The following GPLD1 variants were observed in gnomAD, a reference collection of about 807,000 sequenced individuals.
The protein encoded by GPLD1 is glycosylphosphatidylinositol specific phospholipase D1.
A neutral mutation model predicts 112.6 loss-of-function variants in GPLD1; 84 were observed. The ratio of observed to expected loss-of-function variants is 0.75; its 90% CI spans 0.63 to 0.89. The LOEUF (loss-of-function observed/expected upper bound fraction) is 0.89. Among genes scored for constraint, GPLD1 ranks in the 40% least tolerant of loss-of-function variants. GPLD1 has a pLI of 0.00. For synonymous variants in GPLD1, 386 were observed against 403.8 expected (o/e 0.96, Z 0.53); for missense variants, 1,044 against 1,051.5 (o/e 0.99, Z 0.10).
At chr6:24,446,634 A>T (rs1258285426) in intron 18 of GPLD1, among the ~76,000 whole-genome samples, 1 of 152,206 alleles carries the variant, frequency 6.6e-6, no homozygotes, top group Non-Finnish European at 1.5e-5. Context: ...TAGCTTCCAG[A>T]ACTGTGAGAA....
In GPLD1 at chr6:24,445,809, G is replaced by A. The variant is rs142962906; in HGVS notation, c.1843C>T (p.Arg615Ter). 1.6e-5 allele frequency: 26 copies of A among 1,612,942 alleles called. No individual in the cohort carries two copies. Among genetic ancestry groups the A allele is most frequent in the Middle Eastern group, 1.6e-4 (1 of 6,084 alleles). Residue 615 changes from arginine to a stop codon, truncating the protein, a stop_gained, in exon 19 of 25, where the codon CGA becomes TGA. Coordinates refer to ENST00000230036, the MANE Select transcript of GPLD1 (RefSeq NM_001503.4). LOFTEE classifies it high-confidence loss of function. Reference protein sequence around the residue: ...ASRLGHLLHIRDEKKSLGRVY... With the variant: ...ASRLGHLLHI ...CTCCCAAGGCTCTTTTTCTCATCTC[G>A]GATGTGTAACAAATGGCCCAGCCTA...
intron 24 of GPLD1, among the ~76,000 whole-genome samples, chr6:24,431,693 C>G (rs1762409910): frequency 6.6e-6 from 1 of 151,956 alleles, no homozygotes; most frequent in Non-Finnish European, 1.5e-5. Flanking sequence ...CACCACCACG[C>G]CGGGCTATTT....
intron 14 of GPLD1, 51 bp downstream of exon 14, chr6:24,453,964 G>C (rs777969917): frequency 1.7e-6 from 2 of 1,161,556 alleles, no homozygotes; most frequent in East Asian, 2.4e-5. Context: ...GCCACAAAAT[G>C]CAAGAGTAGC....
Position 24,462,727 on chromosome 6 carries a change from T to C in GPLD1, c.887+3A>G. The C allele has an allele frequency of 6.2e-7, 1 of 1,606,116 alleles. No homozygotes were observed. The highest frequency in any genetic ancestry group is 8.5e-7 in the Non-Finnish European group (1 of 1,172,674). ...TCTATGAACAATTTTGGAATCCACT[T>C]ACCCCTGGGTGTGGTTTTGCTGGCC... On this transcript the variant is annotated splice_donor_region_variant and intron_variant, in intron 11 of 24. Transcript: ENST00000230036.
intron 13 of GPLD1, among the ~76,000 whole-genome samples, chr6:24,456,270 G>A (rs148699721): frequency 3.2e-4 from 49 of 152,036 alleles, no homozygotes; most frequent in African/African-American, 9.6e-4. Context: ...ATGGTGGCGC[G>A]CACCTGTAAC....
In GPLD1 at chr6:24,467,172, TA is replaced by T; in HGVS notation, c.647del (p.Leu216Ter). ...GTCCTCTGAGTTACGCTTACATTTC[TA>T]AGAACTGGATATGTGAACAATCAAC... ...VIVDCSHIQF[L>X]EMYGEMLAVS... On this transcript the variant is annotated frameshift_variant, in exon 8 of 25. Transcript: ENST00000230036. LOFTEE classifies it high-confidence loss of function. 1 of 1,550,104 alleles carries T rather than the reference TA, an allele frequency of 6.5e-7. No homozygotes were observed. The highest frequency in any genetic ancestry group is 8.9e-7 in the Non-Finnish European group (1 of 1,121,620).
intron 14 of GPLD1, among the ~76,000 whole-genome samples, chr6:24,452,257 A>G (rs545314511): frequency 1.3e-5 from 2 of 152,338 alleles, no homozygotes; most frequent in South Asian, 4.1e-4. Context: ...ACTTTACACA[A>G]CAGTCTGTCG....
At chr6:24,491,960 G>A (rs761018651), upstream of GPLD1, among the ~76,000 whole-genome samples, 37 of 152,108 alleles carry the variant, frequency 2.4e-4, no homozygotes, top group Non-Finnish European at 4.1e-4. Context: ...AAGTTAAAAC[G>A]TAGCTCACAA....
chr6:24,492,522 A>AG (rs1764583971), upstream of GPLD1, among the ~76,000 whole-genome samples: 2 of 151,590 alleles, frequency 1.3e-5, no homozygotes, highest in East Asian at 3.9e-4. Context: ...AAAAAAAAAA[A>AG]AAAAAGTGAA....
At chr6:24,493,044 A>G (rs148611547), upstream of GPLD1, among the ~76,000 whole-genome samples, 52 of 152,290 alleles carry the variant, frequency 3.4e-4, no homozygotes, top group African/African-American at 1.2e-3. Context: ...TGCGTAATGG[A>G]TAAGTCATCT....
At chr6:24,491,871 A>G (rs1764567863), upstream of GPLD1, among the ~76,000 whole-genome samples, 1 of 152,378 alleles carries the variant, frequency 6.6e-6, no homozygotes, top group East Asian at 1.9e-4. Context: ...TGGTCTTTAT[A>G]TGACAATATT....
At position 24,448,146 on chromosome 6, in the gene GPLD1, G is replaced by A. The variant is rs1432795550; in HGVS notation, c.1509C>T (p.Thr503=). 11 of 1,611,402 alleles carry A rather than the reference G, an allele frequency of 6.8e-6. No individual in the cohort carries two copies. Among genetic ancestry groups the A allele is most frequent in the Non-Finnish European group, 9.3e-6 (11 of 1,179,110 alleles). ...QGGMSSSPNI[T]ISCQDIYCNL... ...GTGGTAAACATACCTGGCAAGAAATGGTGATGTTAGGGGAAGAAGACATTC... is the reference window on the plus strand; with the variant it reads ...GTGGTAAACATACCTGGCAAGAAATAGTGATGTTAGGGGAAGAAGACATTC... The change falls in exon 16 of 25, where the codon ACC becomes ACT. Residue 503 remains threonine (T), a synonymous_variant. Transcript: ENST00000230036.
upstream of GPLD1, among the ~76,000 whole-genome samples, chr6:24,494,500 G>C (rs934913257): frequency 1.3e-5 from 2 of 152,160 alleles, no homozygotes; most frequent in Non-Finnish European, 2.9e-5. Flanking sequence ...GTGCTCAGGA[G>C]CTACAACTGA....
At chr6:24,476,370 C>A (rs1025031953) in intron 3 of GPLD1, 92 bp from the exon 4 acceptor site, 4 of 669,356 alleles carry the variant, frequency 6.0e-6, no homozygotes, top group Non-Finnish European at 8.0e-6. Context: ...CTGCTGTGTC[C>A]CTTCTCCTCC....
intron 2 of GPLD1, among the ~76,000 whole-genome samples, chr6:24,484,531 C>T (rs1764310146): frequency 6.6e-6 from 1 of 152,170 alleles, no homozygotes; most frequent in Non-Finnish European, 1.5e-5. Flanking sequence ...CTGAGGATGA[C>T]ATTAGTATTT....
At chr6:24,464,454 G>A (rs1368252963) in intron 10 of GPLD1, among the ~76,000 whole-genome samples, 1 of 152,160 alleles carries the variant, frequency 6.6e-6, no homozygotes, top group African/African-American at 2.4e-5. Context: ...GCATTCATAT[G>A]AGATTGCTAT....
rs1038511666 is a variant in GPLD1, at chr6:24,428,404, T to C, written c.*628A>G. ...CCTCCTCCCACCTTCCGCCCTCTCA[T>C]AGGCCCCAGTGTGTGTTGTTTCCCT... On this transcript the variant is annotated 3_prime_UTR_variant, in exon 25 of 25. Transcript: ENST00000230036. The C allele has an allele frequency of 6.6e-6, 1 of 152,154 alleles. No homozygotes were observed. Among genetic ancestry groups the C allele is most frequent in the African/African-American group, 2.4e-5 (1 of 41,442 alleles). The allele number at this position is 152,154 out of a possible 1,614,324, so 9.4% of individuals were successfully genotyped here.
At chr6:24,450,743 G>T (rs7772751) in intron 14 of GPLD1, among the ~76,000 whole-genome samples, 54,639 of 152,018 alleles carry the variant, frequency 0.36, 11,200 homozygotes, top group East Asian at 0.6. Context: ...TTGGGAGGCC[G>T]AGGCGAGCAG....
intron 2 of GPLD1, among the ~76,000 whole-genome samples, chr6:24,482,139 C>T (rs1469932984): frequency 7.9e-6 from 1 of 127,090 alleles, no homozygotes; most frequent in Non-Finnish European, 1.6e-5. Context: ...CTCACACTGT[C>T]ACCGGGCTGG....
Sources: allele counts gnomAD v4.1 joint callset (sites outside exome capture counted in the v4.1 genomes callset), GRCh38; gene constraint gnomAD v4.1.1; transcripts MANE v1.5; gene names NCBI Gene and HGNC (gene_info 2026-07-23, HGNC 2026-07-21).